UVRAG: variants seen among roughly 807,000 people sequenced by gnomAD.
UVRAG encodes UV radiation resistance-associated gene protein.
UVRAG carries 19 observed loss-of-function variants against 78.0 expected under a neutral mutation model. The observed-to-expected ratio is 0.24, with a 90% CI of 0.17 to 0.36. The LOEUF (loss-of-function observed/expected upper bound fraction) is 0.36, where lower values mean the gene tolerates loss of function less well. UVRAG is among the 10% of genes least tolerant of loss of function. The probability of loss-of-function intolerance (pLI) is 1.00; values close to 1 mark genes in which losing one functional copy is unlikely to be tolerated. For missense variants in UVRAG, 740 were observed against 853.8 expected (o/e 0.87, Z 1.66); for synonymous variants, 323 against 324.6 (o/e 1.00, Z 0.05).
intron 3 of UVRAG, among the ~76,000 whole-genome samples, chr11:75,874,286 C>A (rs1233608356): frequency 6.6e-6 from 1 of 151,636 alleles, no homozygotes; most frequent in Non-Finnish European, 1.5e-5. Flanking sequence ...AAAACAACAA[C>A]ACACACACAC....
At chr11:75,838,175 T>G (rs1945826095) in intron 1 of UVRAG, among the ~76,000 whole-genome samples, 2 of 152,214 alleles carry the variant, frequency 1.3e-5, no homozygotes. Flanking sequence ...TTCTTTATGG[T>G]CACATAGCAT....
intron 5 of UVRAG, among the ~76,000 whole-genome samples, chr11:75,898,025 C>T (rs7119400): frequency 0.032 from 4,924 of 151,682 alleles, 266 homozygotes; most frequent in African/African-American, 0.11. Context: ...CCTGCCACCA[C>T]GCCCGGCTAA....
chr11:75,946,310 A>G (rs1351562227), intron 6 of UVRAG, among the ~76,000 whole-genome samples: 2 of 152,214 alleles, frequency 1.3e-5, no homozygotes, highest in Non-Finnish European at 1.5e-5. Flanking sequence ...CTAAAGATTT[A>G]TAATGTGCAG....
intron 5 of UVRAG, among the ~76,000 whole-genome samples, chr11:75,900,624 TA>T (rs1378709743): frequency 6.6e-6 from 1 of 152,200 alleles, no homozygotes; most frequent in Non-Finnish European, 1.5e-5. Context: ...TGTTTTAAGG[TA>T]GACTTTTTGC....
chr11:75,960,204 T>TC (rs1565399697), intron 6 of UVRAG, among the ~76,000 whole-genome samples: 1 of 115,876 alleles, frequency 8.6e-6, no homozygotes, highest in Non-Finnish European at 1.7e-5. Context: ...TTCAATTTGT[T>TC]TTTTTTTTTT....
chr11:75,902,908 A>T (rs2134994238), intron 5 of UVRAG, among the ~76,000 whole-genome samples: 1 of 152,224 alleles, frequency 6.6e-6, no homozygotes, highest in South Asian at 2.1e-4. Flanking sequence ...TTGCTAAAGG[A>T]TGCTTTCGTT....
chr11:75,954,959 A>T (rs997882171), intron 6 of UVRAG, among the ~76,000 whole-genome samples: 1 of 152,184 alleles, frequency 6.6e-6, no homozygotes, highest in Non-Finnish European at 1.5e-5. Flanking sequence ...AAGGGATGGG[A>T]AGAACTTGTA....
At chr11:76,096,227 G>A (rs1004404302) in intron 13 of UVRAG, among the ~76,000 whole-genome samples, 1 of 152,130 alleles carries the variant, frequency 6.6e-6, no homozygotes, top group African/African-American at 2.4e-5. Context: ...TCCCTTCTAT[G>A]TTGAAATTTA....
chr11:75,863,282 C>A (rs963225327), intron 3 of UVRAG, among the ~76,000 whole-genome samples: 3 of 152,188 alleles, frequency 2.0e-5, no homozygotes, highest in African/African-American at 7.2e-5. Context: ...ATAATAGTTA[C>A]TGAGTAAATA....
rs914301938 is a variant in UVRAG at position 75,955,222 on chromosome 11, G to A, written c.594-6222G>A. On this transcript the variant is annotated intron_variant, in intron 6 of 14. Coordinates refer to ENST00000356136, the MANE Select transcript of UVRAG (RefSeq NM_003369.4). ...ACACACAAACACACCCAGACCAAGA[G>A]GCAACAGGATGGAGTATAATCTCCT... Among the ~76,000 whole-genome samples, 8 of 152,086 alleles carry A rather than the reference G, an allele frequency of 5.3e-5. 1 individual carries two copies. Among genetic ancestry groups the A allele is most frequent in the Admixed American group, 2.6e-4 (4 of 15,256 alleles).
chr11:76,089,943 A>G (rs1951664391), intron 13 of UVRAG, among the ~76,000 whole-genome samples: 1 of 152,124 alleles, frequency 6.6e-6, no homozygotes, highest in Admixed American at 6.5e-5. Flanking sequence ...GAGAAACCCT[A>G]AAAACTGAGT....
chr11:76,120,105 G>T (rs1952248683), intron 14 of UVRAG, among the ~76,000 whole-genome samples: 1 of 152,118 alleles, frequency 6.6e-6, no homozygotes, highest in Non-Finnish European at 1.5e-5. Flanking sequence ...TCATAGAGAG[G>T]GAATAGTTTA....
At chr11:76,047,937 G>T (rs535811671) in intron 12 of UVRAG, among the ~76,000 whole-genome samples, 25 of 152,284 alleles carry the variant, frequency 1.6e-4, no homozygotes, top group African/African-American at 5.3e-4. Context: ...GGCTGGCTTA[G>T]AACTAAATAG....
intron 11 of UVRAG, 53 bp from the exon 12 acceptor site, chr11:76,016,762 G>C: frequency 7.2e-7 from 1 of 1,396,984 alleles, no homozygotes; most frequent in Non-Finnish European, 9.6e-7. Flanking sequence ...TTATCTTATG[G>C]TTATTTATAA....
At chr11:75,825,638 C>T (rs1565331869) in intron 1 of UVRAG, among the ~76,000 whole-genome samples, 2 of 152,106 alleles carry the variant, frequency 1.3e-5, no homozygotes, top group Admixed American at 1.3e-4. Context: ...AGATGCAAAA[C>T]CTGAAGCCCT....
At chr11:75,903,895 G>T (rs374806117) in intron 5 of UVRAG, among the ~76,000 whole-genome samples, 3 of 152,140 alleles carry the variant, frequency 2.0e-5, no homozygotes, top group African/African-American at 7.2e-5. Context: ...TATACATTTT[G>T]TAGTTTTAAT....
At chr11:75,950,629 G>T (rs553406071) in intron 6 of UVRAG, among the ~76,000 whole-genome samples, 84 of 152,176 alleles carry the variant, frequency 5.5e-4, no homozygotes, top group African/African-American at 1.9e-3. Context: ...TGCCACACAG[G>T]TTTCCAAAGT....
At chr11:76,066,086 C>G (rs1248441338) in intron 13 of UVRAG, among the ~76,000 whole-genome samples, 1 of 152,106 alleles carries the variant, frequency 6.6e-6, no homozygotes, top group Non-Finnish European at 1.5e-5. Context: ...TCATCTCTTG[C>G]CTCTGCAGCT....
chr11:76,085,527 C>G (rs999232049), intron 13 of UVRAG, among the ~76,000 whole-genome samples: 1 of 152,170 alleles, frequency 6.6e-6, no homozygotes, highest in East Asian at 1.9e-4. Flanking sequence ...TCTTTTGTAT[C>G]AAGACATTCT....
Sources: gnomAD v4.1 joint callset for allele counts (sites outside exome capture counted in the v4.1 genomes callset) on GRCh38, gnomAD v4.1.1 for gene constraint, MANE v1.5 for transcripts, NCBI Gene and HGNC (gene_info 2026-07-23, HGNC 2026-07-21) for gene names.